The following ADAMTS19 variants were observed in gnomAD, a reference collection of about 807,000 sequenced individuals.
The protein encoded by ADAMTS19 is A disintegrin and metalloproteinase with thrombospondin motifs 19.
A neutral mutation model predicts 153.3 loss-of-function variants in ADAMTS19; 93 were observed. That is an observed-to-expected ratio of 0.61 (90% confidence interval 0.51 to 0.72). The LOEUF is 0.72. Among genes scored for constraint, ADAMTS19 ranks in the 30% least tolerant of loss-of-function variants. ADAMTS19 has a pLI of 0.00. For missense variants in ADAMTS19, 1,482 were observed against 1,552.1 expected (o/e 0.95, Z 0.76); for synonymous variants, 600 against 556.6 (o/e 1.08, Z -1.10).
chr5:129,554,317 A>G (rs1052074242), intron 7 of ADAMTS19, among the ~76,000 whole-genome samples: 3 of 152,146 alleles, frequency 2.0e-5, no homozygotes, highest in Non-Finnish European at 4.4e-5. Flanking sequence ...ATGTTAGGAA[A>G]GGGTAACCCT....
intron 6 of ADAMTS19, among the ~76,000 whole-genome samples, chr5:129,536,967 A>T (rs1752457409): frequency 1.3e-5 from 2 of 151,902 alleles, no homozygotes; most frequent in South Asian, 4.2e-4. Flanking sequence ...CTAAATGATG[A>T]GTTAATGGGT....
chr5:129,569,833 GTA>G (rs1415471139), intron 7 of ADAMTS19, among the ~76,000 whole-genome samples: 2 of 151,940 alleles, frequency 1.3e-5, no homozygotes, highest in Non-Finnish European at 2.9e-5. Context: ...AGAGAGGAAT[GTA>G]TAGGGTTAAA....
intron 7 of ADAMTS19, among the ~76,000 whole-genome samples, chr5:129,560,118 A>G (rs1449130399): frequency 1.3e-5 from 2 of 152,104 alleles, no homozygotes; most frequent in African/African-American, 4.8e-5. Context: ...CTGGATACCT[A>G]TTTGGTATTT....
intron 7 of ADAMTS19, among the ~76,000 whole-genome samples, chr5:129,566,101 CT>C (rs1753694716): frequency 6.6e-6 from 1 of 151,986 alleles, no homozygotes; most frequent in Non-Finnish European, 1.5e-5. Flanking sequence ...GAAGAAAATC[CT>C]TTTGTCAAAT....
intron 2 of ADAMTS19, among the ~76,000 whole-genome samples, chr5:129,470,174 AT>A (rs1356950158): frequency 6.6e-6 from 1 of 152,252 alleles, no homozygotes; most frequent in Non-Finnish European, 1.5e-5. Context: ...ACTGAATCAT[AT>A]AGTATTCTTT....
intron 7 of ADAMTS19, among the ~76,000 whole-genome samples, chr5:129,592,295 G>A (rs576169359): frequency 2.7e-5 from 4 of 149,298 alleles, no homozygotes; most frequent in South Asian, 2.1e-4. Flanking sequence ...CAGAAGACTC[G>A]CTGAAACCGG....
At chr5:129,554,645 C>T (rs1484433405) in intron 7 of ADAMTS19, among the ~76,000 whole-genome samples, 1 of 151,990 alleles carries the variant, frequency 6.6e-6, no homozygotes. Flanking sequence ...TTGTTGAATC[C>T]TCCAACCCTG....
intron 19 of ADAMTS19, among the ~76,000 whole-genome samples, chr5:129,698,531 C>T (rs1001138274): frequency 6.6e-6 from 1 of 152,108 alleles, no homozygotes; most frequent in African/African-American, 2.4e-5. Flanking sequence ...AAATTAAGTT[C>T]TAAGCCACGA....
intron 7 of ADAMTS19, among the ~76,000 whole-genome samples, chr5:129,592,766 AAGTTCTACTAAT>A (rs1411872989): frequency 6.6e-6 from 1 of 152,122 alleles, no homozygotes; most frequent in Non-Finnish European, 1.5e-5. Flanking sequence ...AGTCTATAAG[AAGTTCTACTAAT>A]TACCATTCAA....
chr5:129,596,545 T>C lies in ADAMTS19; in HGVS notation c.1373-14T>C. On this transcript the variant is annotated splice_polypyrimidine_tract_variant and intron_variant, in intron 7 of 22. Transcript: ENST00000274487. ...TCATTCAGACATATAATAATTAATG[T>C]TTGTATTTTTTAGGTATAGCTTACT... 1 of 1,494,856 alleles carries C rather than the reference T, an allele frequency of 6.7e-7. No individual in the cohort carries two copies. Among genetic ancestry groups the C allele is most frequent in the Non-Finnish European group, 9.2e-7 (1 of 1,088,586 alleles). The allele number at this position is 1,494,856 out of a possible 1,614,324, so 92.6% of individuals were successfully genotyped here. A position where few individuals can be genotyped will look rare whatever the true frequency, so the allele number is the denominator to read the frequency against.
At chr5:129,505,234 A>T (rs559588356) in intron 2 of ADAMTS19, among the ~76,000 whole-genome samples, 109 of 152,294 alleles carry the variant, frequency 7.2e-4, no homozygotes, top group African/African-American at 2.5e-3. Flanking sequence ...ATAAATGAGC[A>T]TGGAAGAATG....
chr5:129,460,434 T>C lies in ADAMTS19; in HGVS notation c.43T>C (p.Cys15Arg). The C allele has an allele frequency of 6.2e-7, 1 of 1,614,164 alleles. No homozygotes were observed. Among genetic ancestry groups the C allele is most frequent in the Non-Finnish European group, 8.5e-7 (1 of 1,180,018 alleles). ...GATGCGCCTGACTCACATCTGCTGC[T>C]GCTGCCTCCTTTACCAGCTGGGGTT... ...REMRLTHICC[C>R]CLLYQLGFLS... is the part of the protein sequence containing the mutation. Residue 15 changes from cysteine to arginine, a missense_variant, in exon 1 of 23, where the codon TGC becomes CGC. Cys to Arg is a radical substitution (Grantham distance 180). Transcript: ENST00000274487.
chr5:129,562,852 G>A (rs1183853439), intron 7 of ADAMTS19, among the ~76,000 whole-genome samples: 1 of 152,058 alleles, frequency 6.6e-6, no homozygotes, highest in Admixed American at 6.6e-5. Flanking sequence ...GCATTCTATG[G>A]AAACTTAGTT....
intron 2 of ADAMTS19, among the ~76,000 whole-genome samples, chr5:129,466,758 C>T (rs2126642547): frequency 6.6e-6 from 1 of 152,250 alleles, no homozygotes; most frequent in South Asian, 2.1e-4. Context: ...TTATACGCTA[C>T]CTATCAGTTA....
chr5:129,717,325 G>T (rs114426206), intron 21 of ADAMTS19, among the ~76,000 whole-genome samples: 1,961 of 152,074 alleles, frequency 0.013, 35 homozygotes, highest in African/African-American at 0.043. Flanking sequence ...TAAAATTTTT[G>T]GGGGGTACAC....
chr5:129,510,515 T>C (rs994283545), intron 3 of ADAMTS19, among the ~76,000 whole-genome samples: 3 of 151,472 alleles, frequency 2.0e-5, no homozygotes, highest in Non-Finnish European at 4.4e-5. Flanking sequence ...ACTGTAGATA[T>C]AAAGGAGAAA....
chr5:129,620,578 C>T (rs1581154627), intron 8 of ADAMTS19, 40 bp from the exon 9 acceptor site: 5 of 1,428,788 alleles, frequency 3.5e-6, no homozygotes, highest in Non-Finnish European at 4.7e-6. Context: ...GTAACATTTA[C>T]TTAGTGTAAA....
chr5:129,464,284 C>G (rs1020995878), intron 2 of ADAMTS19, among the ~76,000 whole-genome samples: 2 of 152,190 alleles, frequency 1.3e-5, no homozygotes, highest in Non-Finnish European at 1.5e-5. Flanking sequence ...GAACTTCTTA[C>G]CTCTTCCTTT....
At position 129,655,602 on chromosome 5, in the gene ADAMTS19, A is replaced by AT. The variant is rs566906767; in HGVS notation, c.2304+1178dup. On this transcript the variant is annotated intron_variant, in intron 14 of 22. Transcript: ENST00000274487. ...ATACACTCCTTTGAGAATTTGATGAATTTTTTTTTCCTCGTAAAAATGCAC... is the reference window on the plus strand; with the variant it reads ...ATACACTCCTTTGAGAATTTGATGAATTTTTTTTTTCCTCGTAAAAATGCAC... 2.0e-4 allele frequency among the ~76,000 whole-genome samples: 30 copies of AT among 151,810 alleles called. No homozygotes were observed. The East Asian group carries it at 4.8e-3, about 24-fold the overall frequency.
Sources: gnomAD v4.1 joint callset for allele counts (sites outside exome capture counted in the v4.1 genomes callset) on GRCh38, gnomAD v4.1.1 for gene constraint, MANE v1.5 for transcripts, NCBI Gene and HGNC (gene_info 2026-07-23, HGNC 2026-07-21) for gene names.